ARL6IP6: variants seen among roughly 807,000 people sequenced by gnomAD.
The protein encoded by ARL6IP6 is ARF like GTPase 6 interacting protein 6.
A neutral mutation model predicts 21.5 loss-of-function variants in ARL6IP6; 22 were observed. That is an observed-to-expected ratio of 1.02 (90% CI 0.73 to 1.46). The LOEUF (loss-of-function observed/expected upper bound fraction) is 1.46. Among genes scored for constraint, ARL6IP6 ranks in the 40% most tolerant of loss-of-function variants. ARL6IP6 has a pLI of 0.00. For synonymous variants in ARL6IP6, 164 were observed against 125.3 expected (o/e 1.31, Z -2.06); for missense variants, 388 against 299.8 (o/e 1.29, Z -2.17).
At chr2:152,719,109 T>C (rs1218222551) in intron 1 of ARL6IP6, 85 bp downstream of exon 1, 12 of 1,393,912 alleles carry the variant, frequency 8.6e-6, no homozygotes, top group Middle Eastern at 3.7e-4. Context: ...TCCCTTTCCC[T>C]CGCGCTAAGC....
At chr2:152,744,732 A>G (rs990149181) in intron 3 of ARL6IP6, among the ~76,000 whole-genome samples, 3 of 152,104 alleles carry the variant, frequency 2.0e-5, no homozygotes, top group East Asian at 1.9e-4. Flanking sequence ...TCCAACCACA[A>G]ATAACATTTG....
intron 1 of ARL6IP6, chr2:152,719,968 T>C (rs1301510071): frequency 2.1e-6 from 1 of 469,546 alleles, no homozygotes; most frequent in Non-Finnish European, 4.4e-6. Flanking sequence ...GAAGACACTT[T>C]GGCCAGTTGA....
At chr2:152,731,319 C>CT (rs1345072552) in intron 2 of ARL6IP6, among the ~76,000 whole-genome samples, 1 of 152,180 alleles carries the variant, frequency 6.6e-6, no homozygotes, top group Non-Finnish European at 1.5e-5. Context: ...TGAGTCTGTA[C>CT]TTTAACAGTT....
chr2:152,750,862 C>T (rs1340064366), intron 3 of ARL6IP6, among the ~76,000 whole-genome samples: 1 of 152,204 alleles, frequency 6.6e-6, no homozygotes, highest in Non-Finnish European at 1.5e-5. Context: ...ATGTCAGCAA[C>T]TTAGAATTTC....
intron 3 of ARL6IP6, among the ~76,000 whole-genome samples, 200 bp from the exon 4 acceptor site, chr2:152,759,547 A>G (rs1701735203): frequency 6.6e-6 from 1 of 152,216 alleles, no homozygotes; most frequent in Admixed American, 6.5e-5. Context: ...GTTAACCAGT[A>G]CAGTTTTGAC....
Position 152,757,629 on chromosome 2 carries a change from T to A in ARL6IP6, c.588-2118T>A, listed in dbSNP as rs559590389. 5.3e-4 allele frequency among the ~76,000 whole-genome samples: 80 copies of A among 152,326 alleles called. No individual in the cohort carries two copies. In the South Asian group the frequency reaches 0.015, roughly 29 times the overall value. On this transcript the variant is annotated intron_variant, in intron 3 of 3. Coordinates refer to ENST00000326446, the MANE Select transcript of ARL6IP6 (RefSeq NM_152522.7). ...AGAGAGAAAGCCTGCAGGGATTGTC[T>A]GTCTTCCTCCAAAGAGGAAAATCAT... is the stretch of plus-strand genomic sequence containing the variant.
At chr2:152,717,919 C>G (rs1699241177), upstream of ARL6IP6, 1 of 1,002,972 alleles carries the variant, frequency 1.0e-6, no homozygotes, top group East Asian at 1.1e-4. Context: ...GCGCGCGGTG[C>G]TCGAGGCGGA....
intron 2 of ARL6IP6, among the ~76,000 whole-genome samples, chr2:152,729,363 C>CGTGTGTGTGT (rs1559227281): frequency 7.0e-5 from 10 of 143,162 alleles, no homozygotes; most frequent in Non-Finnish European, 1.3e-4. Context: ...TGTGTGTGTA[C>CGTGTGTGTGT]ACACATATAT....
intron 2 of ARL6IP6, among the ~76,000 whole-genome samples, chr2:152,727,591 A>G (rs1330406703): frequency 2.0e-5 from 3 of 152,180 alleles, no homozygotes; most frequent in South Asian, 2.1e-4. Flanking sequence ...AGTACCCTAT[A>G]CAGGTGTACC....
chr2:152,754,046 GT>G lies in ARL6IP6; in HGVS notation c.588-5690del, dbSNP rs369786630. On this transcript the variant is annotated intron_variant, in intron 3 of 3. Coordinates refer to ENST00000326446, the MANE Select transcript of ARL6IP6 (RefSeq NM_152522.7). The stretch of plus-strand genomic sequence containing the variant: ...ACAGTAAAGTGTTTTTTTGTTTTTT[GT>G]TTTTTTTTTTCATATAATTTACATA... Among the ~76,000 whole-genome samples, 230 of 143,898 alleles carry G rather than the reference GT, an allele frequency of 1.6e-3. 2 individuals carry two copies. Among genetic ancestry groups the G allele is most frequent in the Admixed American group, 3.5e-3 (50 of 14,436 alleles). 94.4% of individuals were successfully genotyped at this position (143,898 alleles called of 152,430 possible).
In ARL6IP6 at chr2:152,718,909, G is replaced by A. The variant is rs757672526; in HGVS notation, c.285G>A (p.Ala95=). The part of the protein sequence containing the change: ...DKRNGIFPAA[A]GSRAQPRRWP... The stretch of plus-strand genomic sequence containing the variant: ...GCAATGGTATCTTTCCCGCGGCCGC[G>A]GGCAGCAGAGCCCAGCCTCGGCGGT... The change falls in exon 1 of 4, where the codon GCG becomes GCA. Residue 95 remains alanine, a synonymous_variant. Transcript: ENST00000326446. 2 of 1,613,902 alleles carry A rather than the reference G, an allele frequency of 1.2e-6. No homozygotes were observed. Among genetic ancestry groups the A allele is most frequent in the African/African-American group, 2.7e-5 (2 of 75,028 alleles).
intron 3 of ARL6IP6, among the ~76,000 whole-genome samples, chr2:152,741,944 C>T (rs1172462696): frequency 6.6e-6 from 1 of 152,158 alleles, no homozygotes; most frequent in Non-Finnish European, 1.5e-5. Flanking sequence ...GGTTTGTTAA[C>T]AGTGTTAAAG....
At chr2:152,720,248 A>G (rs1699718125) in intron 1 of ARL6IP6, 2 of 440,978 alleles carry the variant, frequency 4.5e-6, no homozygotes, top group Non-Finnish European at 8.3e-6. Flanking sequence ...GAATAGAGAA[A>G]GGAACTGAAC....
rs1701759797 is a variant in ARL6IP6, at chr2:152,759,944, C to G, written c.*104C>G. On this transcript the variant is annotated 3_prime_UTR_variant, in exon 4 of 4. Coordinates refer to ENST00000326446, the MANE Select transcript of ARL6IP6 (RefSeq NM_152522.7). ...TCAGAAGACTGAGAAACCTGCTGTT[C>G]ATTATGTAGTTCAGATATTTATCAC... is the stretch of plus-strand genomic sequence containing the variant. 2 of 892,932 alleles carry G rather than the reference C, an allele frequency of 2.2e-6. No homozygotes were observed. Among genetic ancestry groups the G allele is most frequent in the Admixed American group, 2.0e-5 (1 of 49,994 alleles). The allele number at this position is 892,932 out of a possible 1,614,324, so 55.3% of individuals were successfully genotyped here. A position where few individuals can be genotyped will look rare whatever the true frequency, so the allele number is the denominator to read the frequency against.
chr2:152,728,835 C>T (rs960231437), intron 2 of ARL6IP6, among the ~76,000 whole-genome samples: 7 of 152,040 alleles, frequency 4.6e-5, no homozygotes, highest in Admixed American at 2.0e-4. Flanking sequence ...CCCAGGCAGG[C>T]GGATCATGAG....
Position 152,718,999 on chromosome 2 carries a change from C to A in ARL6IP6, c.375C>A (p.Leu125=), listed in dbSNP as rs140801105. 2.1e-5 allele frequency: 33 copies of A among 1,578,220 alleles called. 1 individual carries two copies. In the African/African-American group the frequency reaches 3.5e-4, roughly 17 times the overall value. ...LLFAILLAFL[L]AIAYLIVKEL... ...TCGCCATTCTTCTCGCCTTCCTCCT[C>A]GCCATCGCCTACTTGATCGTTAAAG... The change falls in exon 1 of 4, where the codon CTC becomes CTA. Residue 125 remains leucine (L), a synonymous_variant. Transcript: ENST00000326446.
At chr2:152,725,014 T>C (rs1259710945) in intron 2 of ARL6IP6, among the ~76,000 whole-genome samples, 13 of 152,224 alleles carry the variant, frequency 8.5e-5, no homozygotes, top group South Asian at 6.2e-4. Context: ...TATGTGTCAG[T>C]GTACACTGTA....
intron 2 of ARL6IP6, among the ~76,000 whole-genome samples, chr2:152,730,266 TCAA>T: frequency 6.6e-6 from 1 of 152,226 alleles, no homozygotes; most frequent in Middle Eastern, 3.2e-3. Flanking sequence ...GTGAAAAAGT[TCAA>T]CAGGCTTTAG....
chr2:152,720,160 G>T, intron 1 of ARL6IP6: 1 of 112,630 alleles, frequency 8.9e-6, no homozygotes. Context: ...CGGAGACATT[G>T]CCTTTGTATC....
Sources: allele counts gnomAD v4.1 joint callset (sites outside exome capture counted in the v4.1 genomes callset), GRCh38; gene constraint gnomAD v4.1.1; transcripts MANE v1.5; gene names NCBI Gene and HGNC (gene_info 2026-07-23, HGNC 2026-07-21).